The following CPD variants were observed in gnomAD, a reference collection of about 807,000 sequenced individuals.
CPD encodes carboxypeptidase D, also known as metallocarboxypeptidase D.
Under a neutral mutation model 138.3 loss-of-function variants are expected in CPD, and 69 were observed. The observed-to-expected ratio is 0.50, with a 90% CI of 0.41 to 0.61. CPD has a LOEUF of 0.61. Among genes scored for constraint, CPD ranks in the 20% least tolerant of loss-of-function variants. The probability of loss-of-function intolerance (pLI) is 0.00; values close to 1 mark genes in which losing one functional copy is unlikely to be tolerated. For synonymous variants in CPD, 651 were observed against 642.1 expected, an observed-to-expected ratio of 1.01 and a Z score of -0.21; for missense variants, 1,432 against 1,733.3, an observed-to-expected ratio of 0.83 and a Z score of 3.09.
chr17:30,440,765 C>T (rs1260807226), intron 9 of CPD, among the ~76,000 whole-genome samples: 4 of 145,228 alleles, frequency 2.8e-5, no homozygotes, highest in African/African-American at 7.8e-5. Context: ...TTCCATTGAT[C>T]TATATCTCTG....
At chr17:30,451,234 G>A (rs1022107138) in intron 13 of CPD, among the ~76,000 whole-genome samples, 2 of 152,194 alleles carry the variant, frequency 1.3e-5, no homozygotes, top group African/African-American at 4.8e-5. Context: ...AAGAATTGAT[G>A]TCATGATTAG....
chr17:30,394,433 C>T (rs569226910), intron 2 of CPD, among the ~76,000 whole-genome samples: 2 of 152,256 alleles, frequency 1.3e-5, no homozygotes, highest in South Asian at 2.1e-4. Context: ...ATCCTACCTT[C>T]GAGAGCTTTT....
intron 2 of CPD, among the ~76,000 whole-genome samples, chr17:30,394,148 CAG>C (rs1491479711): frequency 4.1e-5 from 1 of 24,356 alleles, no homozygotes; most frequent in African/African-American, 2.0e-4. Context: ...TTTTTTTTGA[CAG>C]GGGAAGACCC....
intron 14 of CPD, chr17:30,453,990 C>G (rs1410305763): frequency 6.6e-6 from 1 of 152,250 alleles, no homozygotes; most frequent in Non-Finnish European, 1.5e-5. Flanking sequence ...GGACCCTGGG[C>G]CCAGCCCACA....
At chr17:30,462,831 T>C (rs1450838853) in intron 20 of CPD, among the ~76,000 whole-genome samples, 1 of 152,222 alleles carries the variant, frequency 6.6e-6, no homozygotes, top group South Asian at 2.1e-4. Flanking sequence ...ATTAGCATTG[T>C]TTCTATAGAT....
At chr17:30,448,213 C>A (rs1341214389) in intron 12 of CPD, among the ~76,000 whole-genome samples, 1 of 152,072 alleles carries the variant, frequency 6.6e-6, no homozygotes, top group East Asian at 1.9e-4. Context: ...TAAAATAAAA[C>A]CAGGCTGGGC....
chr17:30,451,746 T>C lies in CPD; in HGVS notation c.3105T>C (p.Ser1035=). 6.2e-7 allele frequency: 1 copy of C among 1,614,084 alleles called. No individual in the cohort carries two copies. The highest frequency in any genetic ancestry group is 8.5e-7 in the Non-Finnish European group (1 of 1,179,976). ...GGACTAGGATTGTGATTGTCCCTTC[T>C]CTAAATCCAGATGGGCGAGAGAGAG... ...VDRTRIVIVP[S]LNPDGRERAQ... is the part of the protein sequence containing the mutation. The change falls in exon 14 of 21, where the codon TCT becomes TCC. Residue 1035 remains serine (S), a synonymous_variant. Coordinates refer to ENST00000225719, the MANE Select transcript of CPD (RefSeq NM_001304.5).
At chr17:30,390,932 C>T (rs1264253777) in intron 2 of CPD, among the ~76,000 whole-genome samples, 1 of 151,460 alleles carries the variant, frequency 6.6e-6, no homozygotes, top group Non-Finnish European at 1.5e-5. Flanking sequence ...TGGGTTCAAG[C>T]GATTCTAGTG....
intron 2 of CPD, among the ~76,000 whole-genome samples, chr17:30,418,925 T>C (rs1264829003): frequency 6.6e-6 from 1 of 152,192 alleles, no homozygotes; most frequent in East Asian, 1.9e-4. Flanking sequence ...TTTTTAAAGG[T>C]TCTTTGCCTA....
Position 30,422,016 on chromosome 17 carries a change from A to G in CPD, c.1307+183A>G, listed in dbSNP as rs533355524. 2.0e-5 allele frequency among the ~76,000 whole-genome samples: 3 copies of G among 152,286 alleles called. No homozygotes were observed. In the South Asian group the frequency reaches 6.2e-4, roughly 32 times the overall value. The stretch of plus-strand genomic sequence containing the variant: ...GTGGAGTTTTTTGTCACATAGTCTA[A>G]TAGTACAATGGGATGTGAAGCATAG... On this transcript the variant is annotated intron_variant, in intron 4 of 20. Coordinates refer to ENST00000225719, the MANE Select transcript of CPD (RefSeq NM_001304.5).
chr17:30,449,113 A>C (rs1245962759), intron 12 of CPD, among the ~76,000 whole-genome samples: 1 of 151,582 alleles, frequency 6.6e-6, no homozygotes, highest in Non-Finnish European at 1.5e-5. Context: ...GTCTCTTAAA[A>C]ATATAATGAC....
At chr17:30,419,486 C>G (rs941432038) in intron 2 of CPD, among the ~76,000 whole-genome samples, 1 of 152,074 alleles carries the variant, frequency 6.6e-6, no homozygotes, top group Non-Finnish European at 1.5e-5. Context: ...ACTACAGGCA[C>G]GTGCCACCAC....
intron 9 of CPD, 58 bp from the exon 10 acceptor site, chr17:30,442,249 TG>T (rs1019406704): frequency 2.6e-6 from 4 of 1,522,060 alleles, no homozygotes; most frequent in Middle Eastern, 1.9e-4. Context: ...GCTTACCTTT[TG>T]GGATCTGAGC....
intron 14 of CPD, among the ~76,000 whole-genome samples, chr17:30,452,208 G>T (rs1913183530): frequency 6.6e-6 from 1 of 151,952 alleles, no homozygotes; most frequent in African/African-American, 2.4e-5. Flanking sequence ...TTACTTAAAT[G>T]GGACCTTTTT....
intron 1 of CPD, chr17:30,380,676 A>G: frequency 7.0e-7 from 1 of 1,436,272 alleles, no homozygotes; most frequent in Non-Finnish European, 9.4e-7. Flanking sequence ...CTTTACAGGA[A>G]TTGTTCCCAC....
At chr17:30,380,444 G>A in intron 1 of CPD, 6 of 1,234,718 alleles carry the variant, frequency 4.9e-6, no homozygotes, top group Non-Finnish European at 5.1e-6. Context: ...TCTGTGAGCC[G>A]CTTCATTTTA....
In CPD at chr17:30,443,791, A is replaced by G. The variant is rs554539563; in HGVS notation, c.2374-11A>G. On this transcript the variant is annotated splice_polypyrimidine_tract_variant and intron_variant, in intron 10 of 20. Transcript: ENST00000225719. ...TATTATTGAAATCTGGTGTCCTTGT[A>G]CTTAATCCAGGTTCATCAGGGCGTC... 3 of 1,604,426 alleles carry G rather than the reference A, an allele frequency of 1.9e-6. No homozygotes were observed. Among genetic ancestry groups the G allele is most frequent in the African/African-American group, 2.7e-5 (2 of 74,794 alleles).
rs1370110268 is a variant in CPD, at chr17:30,379,249, A to G, written c.269A>G (p.Glu90Gly). 1.3e-6 allele frequency: 2 copies of G among 1,517,394 alleles called. No homozygotes were observed. The highest frequency in any genetic ancestry group is 1.8e-6 in the Non-Finnish European group (2 of 1,138,884). The allele number at this position is 1,517,394 out of a possible 1,614,324, so 94.0% of individuals were successfully genotyped here. A position where few individuals can be genotyped will look rare whatever the true frequency, so the allele number is the denominator to read the frequency against. The part of the protein sequence containing the change: ...ARLFSIGRSV[E>G]GRPLWVLRLT... ...CTCTTTAGCATCGGCCGCTCGGTGG[A>G]AGGCCGGCCGCTGTGGGTGCTTCGC... The change falls in exon 1 of 21, where the codon GAA becomes GGA. Residue 90 changes from glutamate (E) to glycine (G), a missense_variant. Glu to Gly is a moderately conservative substitution (Grantham distance 98). Transcript: ENST00000225719. The surrounding 1 kb of genome is among the most constrained non-coding windows in gnomAD (Gnocchi z 7.0).
At position 30,442,311 on chromosome 17, in the gene CPD, G is replaced by T; in HGVS notation, c.2234G>T (p.Gly745Val). 1.2e-6 allele frequency: 2 copies of T among 1,611,050 alleles called. No individual in the cohort carries two copies. The highest frequency in any genetic ancestry group is 2.2e-5 in the South Asian group (2 of 90,776). The change falls in exon 10 of 21, where the codon GGA becomes GTA. Residue 745 changes from glycine to valine, a missense_variant. Physicochemically the swap from Gly to Val is moderately radical, Grantham distance 109. This residue lies in a region of CPD where 297 missense variants were observed against 405.3 expected (regional missense o/e 0.73). Transcript: ENST00000225719. Reference sequence around the variant, plus strand: ...AATTTTAATTTTTATCTTTTAGGAGGAATGCAGGACTGGAACTATTTACAA... The same window carrying T: ...AATTTTAATTTTTATCTTTTAGGAGTAATGCAGGACTGGAACTATTTACAA... ...NGASWYNVPG[G>V]MQDWNYLQTN...
Sources: allele counts gnomAD v4.1 joint callset (sites outside exome capture counted in the v4.1 genomes callset), GRCh38; gene constraint gnomAD v4.1.1; regional missense constraint gnomAD v4.1.1; non-coding constraint Gnocchi (gnomAD v3.1); transcripts MANE v1.5; gene names NCBI Gene and HGNC (gene_info 2026-07-23, HGNC 2026-07-21).